The following EPHA7 variants were observed in gnomAD, a reference collection of about 807,000 sequenced individuals.
The protein encoded by EPHA7 is ephrin type-A receptor 7.
Under a neutral mutation model 112.6 loss-of-function variants are expected in EPHA7, and 25 were observed. That is an observed-to-expected ratio of 0.22 (90% CI 0.16 to 0.31). The LOEUF (loss-of-function observed/expected upper bound fraction) is 0.31. Among genes scored for constraint, EPHA7 ranks in the 10% least tolerant of loss-of-function variants. The pLI, the probability that EPHA7 is intolerant of heterozygous loss-of-function variation, is 1.00. For missense variants in EPHA7, 962 were observed against 1,212.6 expected, an observed-to-expected ratio of 0.79 and a Z score of 3.07; for synonymous variants, 437 against 406.5, an observed-to-expected ratio of 1.07 and a Z score of -0.90.
chr6:93,341,337 A>T (rs2127920721), intron 5 of EPHA7, among the ~76,000 whole-genome samples: 1 of 151,990 alleles, frequency 6.6e-6, no homozygotes, highest in East Asian at 1.9e-4. Flanking sequence ...GCACAAGATC[A>T]TAAAATAAGA....
intron 5 of EPHA7, among the ~76,000 whole-genome samples, chr6:93,292,259 C>T (rs1772418909): frequency 6.6e-6 from 1 of 152,074 alleles, no homozygotes; most frequent in Non-Finnish European, 1.5e-5. Flanking sequence ...TTTTTTAATA[C>T]TTATTTTTAT....
intron 3 of EPHA7, among the ~76,000 whole-genome samples, chr6:93,409,198 T>C (rs1282525454): frequency 6.6e-6 from 1 of 152,092 alleles, no homozygotes; most frequent in Non-Finnish European, 1.5e-5. Context: ...AATTTATATA[T>C]GTATATGAGG....
intron 5 of EPHA7, among the ~76,000 whole-genome samples, chr6:93,340,121 T>C (rs1451646822): frequency 2.0e-5 from 3 of 151,982 alleles, no homozygotes; most frequent in East Asian, 3.9e-4. Context: ...GTCAATACTA[T>C]ATAAACAAAA....
chr6:93,351,490 A>T (rs1433010070), intron 5 of EPHA7, among the ~76,000 whole-genome samples: 1 of 152,080 alleles, frequency 6.6e-6, no homozygotes, highest in East Asian at 1.9e-4. Context: ...TTCCTTCCAG[A>T]TGCTTTCCAG....
intron 5 of EPHA7, among the ~76,000 whole-genome samples, chr6:93,342,326 T>C (rs1211758607): frequency 6.6e-6 from 1 of 151,774 alleles, no homozygotes; most frequent in Admixed American, 6.6e-5. Flanking sequence ...ATGTAATCTA[T>C]TAGAAATAGA....
chr6:93,351,244 T>C (rs1399596671), intron 5 of EPHA7, among the ~76,000 whole-genome samples: 1 of 152,058 alleles, frequency 6.6e-6, no homozygotes, highest in Non-Finnish European at 1.5e-5. Context: ...GAGGGTTCAT[T>C]ACAGGTAGAG....
At chr6:93,331,409 T>A (rs1050947403) in intron 5 of EPHA7, among the ~76,000 whole-genome samples, 1 of 150,944 alleles carries the variant, frequency 6.6e-6, no homozygotes, top group Admixed American at 6.7e-5. Context: ...CCTGAATACA[T>A]GCCTTCCTGA....
chr6:93,278,659 A>T (rs1771582433), intron 5 of EPHA7, among the ~76,000 whole-genome samples: 2 of 151,482 alleles, frequency 1.3e-5, no homozygotes, highest in African/African-American at 4.8e-5. Context: ...AGACAGATGG[A>T]TTTCTTCCCT....
At chr6:93,334,523 G>A (rs1774760895) in intron 5 of EPHA7, among the ~76,000 whole-genome samples, 1 of 151,996 alleles carries the variant, frequency 6.6e-6, no homozygotes, top group South Asian at 2.1e-4. Context: ...GAATCTATTA[G>A]GAACTTAAAC....
rs936734754 is a variant in EPHA7, at chr6:93,241,064, T to G, written c.*2362A>C. ...GGAAAAATTTATTTTTGAAAAAAAC[T>G]CAAAAAAACTTTTATTCTGCCCTTC... On this transcript the variant is annotated 3_prime_UTR_variant, in exon 17 of 17. Coordinates refer to ENST00000369303, the MANE Select transcript of EPHA7 (RefSeq NM_004440.4). The G allele has an allele frequency of 3.4e-5, 7 of 208,172 alleles. No homozygotes were observed. The Admixed American group carries it at 3.6e-4, about 11-fold the overall frequency. The allele number at this position is 208,172 out of a possible 1,614,324, so 12.9% of individuals were successfully genotyped here.
chr6:93,419,200 C>T (rs1180166320), intron 1 of EPHA7, 45 bp downstream of exon 1: 2 of 1,541,064 alleles, frequency 1.3e-6, no homozygotes, highest in East Asian at 2.3e-5. Flanking sequence ...AGGTAGACAT[C>T]TAAATAAATA....
chr6:93,354,273 T>C (rs557772582), intron 5 of EPHA7, among the ~76,000 whole-genome samples: 11 of 152,034 alleles, frequency 7.2e-5, no homozygotes, highest in Non-Finnish European at 1.6e-4. Context: ...GAACTGAGTA[T>C]ACTCACACAA....
At chr6:93,383,169 G>A (rs1006988813) in intron 3 of EPHA7, among the ~76,000 whole-genome samples, 1 of 151,344 alleles carries the variant, frequency 6.6e-6, no homozygotes, top group Non-Finnish European at 1.5e-5. Flanking sequence ...TTGTTCCAAG[G>A]ACATTACACT....
intron 5 of EPHA7, among the ~76,000 whole-genome samples, chr6:93,329,553 T>A (rs1171007815): frequency 6.6e-6 from 1 of 151,290 alleles, no homozygotes; most frequent in Non-Finnish European, 1.5e-5. Context: ...CATCTTTGAT[T>A]TTTCAAATAC....
chr6:93,278,963 G>T (rs1287124956), intron 5 of EPHA7, among the ~76,000 whole-genome samples: 1 of 152,018 alleles, frequency 6.6e-6, no homozygotes, highest in Non-Finnish European at 1.5e-5. Context: ...TAGGTTTTGA[G>T]AATATAAGGA....
intron 5 of EPHA7, among the ~76,000 whole-genome samples, chr6:93,308,325 A>G (rs1206389446): frequency 6.6e-6 from 1 of 152,144 alleles, no homozygotes; most frequent in Non-Finnish European, 1.5e-5. Context: ...TGTAGAATAG[A>G]TTACATTATA....
chr6:93,283,475 T>C (rs1771880089), intron 5 of EPHA7, among the ~76,000 whole-genome samples: 1 of 152,110 alleles, frequency 6.6e-6, no homozygotes, highest in Admixed American at 6.5e-5. Flanking sequence ...CTGCTCACTC[T>C]TTTGGGTCCA....
intron 3 of EPHA7, among the ~76,000 whole-genome samples, chr6:93,372,928 T>C (rs1019985100): frequency 6.6e-6 from 1 of 152,096 alleles, no homozygotes; most frequent in African/African-American, 2.4e-5. Flanking sequence ...CACTACCTTT[T>C]TAAACAAAAT....
intron 5 of EPHA7, among the ~76,000 whole-genome samples, chr6:93,307,320 A>C (rs1773307162): frequency 6.6e-6 from 1 of 152,132 alleles, no homozygotes; most frequent in African/African-American, 2.4e-5. Flanking sequence ...TAACAGAAAT[A>C]AATGAAAGAT....
Sources: allele counts gnomAD v4.1 joint callset (sites outside exome capture counted in the v4.1 genomes callset), GRCh38; gene constraint gnomAD v4.1.1; transcripts MANE v1.5; gene names NCBI Gene and HGNC (gene_info 2026-07-23, HGNC 2026-07-21).